ANO10: variants seen among roughly 807,000 people sequenced by gnomAD.
The protein encoded by ANO10 is anoctamin 10.
A neutral mutation model predicts 74.7 loss-of-function variants in ANO10; 77 were observed. The observed-to-expected ratio is 1.03, with a 90% CI of 0.86 to 1.25. ANO10 has a LOEUF of 1.25. ANO10 is among the 50% of genes most tolerant of loss of function. The probability of loss-of-function intolerance (pLI) is 0.00; values close to 1 mark genes in which losing one functional copy is unlikely to be tolerated. For missense variants in ANO10, 721 were observed against 778.1 expected (o/e 0.93, Z 0.87); for synonymous variants, 279 against 284.9 (o/e 0.98, Z 0.21).
intron 11 of ANO10, among the ~76,000 whole-genome samples, chr3:43,503,157 A>T (rs986502326): frequency 2.2e-4 from 33 of 152,372 alleles, no homozygotes; most frequent in African/African-American, 7.7e-4. Context: ...AGAACACTAC[A>T]GTTATGGATG....
intron 7 of ANO10, among the ~76,000 whole-genome samples, chr3:43,565,994 G>A (rs944496643): frequency 1.3e-5 from 2 of 152,274 alleles, no homozygotes; most frequent in Non-Finnish European, 2.9e-5. Context: ...TGTGCGAGCC[G>A]AAGCAGGGCA....
intron 12 of ANO10, among the ~76,000 whole-genome samples, chr3:43,432,134 T>G (rs911752146): frequency 1.3e-5 from 2 of 150,582 alleles, no homozygotes; most frequent in East Asian, 2.0e-4. Flanking sequence ...TTTTTTTTTT[T>G]GTAGTCTCTG....
intron 1 of ANO10, chr3:43,691,119 C>T: frequency 3.0e-6 from 4 of 1,338,280 alleles, no homozygotes; most frequent in Non-Finnish European, 3.9e-6. Flanking sequence ...CAGCGGGCAG[C>T]ACCAAGGAGT....
At chr3:43,560,345 G>A (rs1479425789) in intron 9 of ANO10, among the ~76,000 whole-genome samples, 1 of 152,130 alleles carries the variant, frequency 6.6e-6, no homozygotes. Flanking sequence ...AGTGAGCAGA[G>A]AGAAAAAGAC....
At chr3:43,639,043 A>T (rs1490995435) in intron 1 of ANO10, 1 of 152,270 alleles carries the variant, frequency 6.6e-6, no homozygotes, top group African/African-American at 2.4e-5. Flanking sequence ...AGATCTCTCC[A>T]CCAGGCTGCT....
chr3:43,455,640 T>A (rs546532574), intron 11 of ANO10, among the ~76,000 whole-genome samples: 2 of 152,318 alleles, frequency 1.3e-5, no homozygotes, highest in South Asian at 2.1e-4. Context: ...TTGTTCTGAC[T>A]GGTTGATTAT....
chr3:43,671,637 CTA>C (rs2084060709), intron 1 of ANO10, among the ~76,000 whole-genome samples: 1 of 151,940 alleles, frequency 6.6e-6, no homozygotes. Context: ...ATCATGATAA[CTA>C]TAATTTGTGT....
chr3:43,552,889 G>T (rs1202694454), intron 10 of ANO10, among the ~76,000 whole-genome samples: 1 of 151,864 alleles, frequency 6.6e-6, no homozygotes, highest in Non-Finnish European at 1.5e-5. Context: ...TGCCTCCCAG[G>T]TTCAAGCAAT....
intron 11 of ANO10, among the ~76,000 whole-genome samples, chr3:43,520,676 T>C (rs974449688): frequency 6.6e-6 from 1 of 152,222 alleles, no homozygotes; most frequent in Non-Finnish European, 1.5e-5. Flanking sequence ...CTTATGCTAC[T>C]ATGATTACTG....
chr3:43,406,889 G>A (rs1019148719), intron 12 of ANO10, among the ~76,000 whole-genome samples: 4 of 151,596 alleles, frequency 2.6e-5, no homozygotes, highest in Non-Finnish European at 1.5e-5. Flanking sequence ...TGTGCACGCT[G>A]AGTCTCGCAA....
chr3:43,682,260 C>A lies in ANO10; in HGVS notation c.-12+9257G>T, dbSNP rs543311201. Among the ~76,000 whole-genome samples the A allele has an allele frequency of 2.9e-3, 441 of 152,254 alleles. 1 individual carries two copies. Among genetic ancestry groups the A allele is most frequent in the Admixed American group, 5.0e-3 (76 of 15,286 alleles). ...TGATAAAGGGGATATCACCACTGAT[C>A]CCACAGAAATACAAACAACCATCAG... On this transcript the variant is annotated intron_variant, in intron 1 of 3. Coordinates refer to the ANO10 transcript ENST00000413397.
chr3:43,445,605 G>GT (rs1156634276), intron 11 of ANO10, among the ~76,000 whole-genome samples: 1 of 152,092 alleles, frequency 6.6e-6, no homozygotes, highest in African/African-American at 2.4e-5. Context: ...CAGGTTAAGG[G>GT]TGAATATCCT....
At chr3:43,481,655 G>C (rs1386798263) in intron 11 of ANO10, among the ~76,000 whole-genome samples, 1 of 152,168 alleles carries the variant, frequency 6.6e-6, no homozygotes, top group Non-Finnish European at 1.5e-5. Flanking sequence ...CCACTATCTG[G>C]AGGCTTCATC....
chr3:43,552,412 A>G (rs1478355844), intron 10 of ANO10, among the ~76,000 whole-genome samples: 2 of 152,036 alleles, frequency 1.3e-5, no homozygotes, highest in Admixed American at 1.3e-4. Context: ...TTTTTTCTAC[A>G]TATATTTAGA....
chr3:43,536,108 T>C (rs2078698901), intron 11 of ANO10, among the ~76,000 whole-genome samples: 1 of 152,228 alleles, frequency 6.6e-6, no homozygotes, highest in Admixed American at 6.5e-5. Context: ...CTTAGGATAC[T>C]TTGTAGATTA....
At chr3:43,643,107 C>A (rs1418968701) in intron 1 of ANO10, among the ~76,000 whole-genome samples, 5 of 151,548 alleles carry the variant, frequency 3.3e-5, no homozygotes, top group African/African-American at 1.2e-4. Flanking sequence ...TCTCGGCTCA[C>A]TGCAAGCTCC....
chr3:43,490,110 G>A (rs1331188686), intron 11 of ANO10, among the ~76,000 whole-genome samples: 1 of 152,208 alleles, frequency 6.6e-6, no homozygotes, highest in East Asian at 1.9e-4. Context: ...TGGAAAAACA[G>A]CCTGAAGTCA....
At chr3:43,661,771 A>G (rs1299276350) in intron 1 of ANO10, among the ~76,000 whole-genome samples, 1 of 152,234 alleles carries the variant, frequency 6.6e-6, no homozygotes, top group Non-Finnish European at 1.5e-5. Context: ...CTCTGATAAA[A>G]TAGACTTTAA....
At chr3:43,540,054 T>C (rs915275012) in intron 11 of ANO10, among the ~76,000 whole-genome samples, 3 of 152,188 alleles carry the variant, frequency 2.0e-5, no homozygotes, top group Non-Finnish European at 4.4e-5. Context: ...ACAAAACAAG[T>C]ATTTCCCATT....
Sources: allele counts gnomAD v4.1 joint callset (sites outside exome capture counted in the v4.1 genomes callset), GRCh38; gene constraint gnomAD v4.1.1; transcripts MANE v1.5; gene names NCBI Gene and HGNC (gene_info 2026-07-23, HGNC 2026-07-21).